Variants in ZDHHC13 observed in about 807,000 individuals in gnomAD.
ZDHHC13 encodes palmitoyltransferase ZDHHC13.
Under a neutral mutation model 86.0 loss-of-function variants are expected in ZDHHC13, and 85 were observed. The ratio of observed to expected loss-of-function variants is 0.99; its 90% CI spans 0.83 to 1.18. ZDHHC13 has a LOEUF of 1.18. Among genes scored for constraint, ZDHHC13 ranks in the 50% most tolerant of loss-of-function variants. The pLI is 0.00. For missense variants in ZDHHC13, 711 were observed against 730.2 expected (o/e 0.97, Z 0.30); for synonymous variants, 263 against 246.4 (o/e 1.07, Z -0.63).
intron 1 of ZDHHC13, among the ~76,000 whole-genome samples, chr11:19,142,014 A>G (rs776063394): frequency 1.3e-5 from 2 of 152,146 alleles, no homozygotes; most frequent in Admixed American, 6.6e-5. Context: ...TGCTTTAACC[A>G]ACTGAGCTAG....
rs1440215756 is a variant in ZDHHC13 at position 19,132,431 on chromosome 11, G to A, written c.28-10547G>A. 2.0e-5 allele frequency among the ~76,000 whole-genome samples: 3 copies of A among 152,158 alleles called. No homozygotes were observed. The East Asian group carries it at 5.8e-4, about 29-fold the overall frequency. ...CAGAGTTTGAACATCTTCCTGCTAC[G>A]TATAAACTCCAGTAATTGTTCAGTT... is the stretch of plus-strand genomic sequence containing the variant. On this transcript the variant is annotated intron_variant, in intron 1 of 16. Transcript: ENST00000446113.
At chr11:19,144,218 ATTTGC>A (rs1469282567) in intron 2 of ZDHHC13, among the ~76,000 whole-genome samples, 1 of 152,138 alleles carries the variant, frequency 6.6e-6, no homozygotes, top group African/African-American at 2.4e-5. Flanking sequence ...TAAGGTAAAT[ATTTGC>A]TTTAATTAGG....
chr11:19,129,203 A>G (rs1848938618), intron 1 of ZDHHC13, among the ~76,000 whole-genome samples: 1 of 152,206 alleles, frequency 6.6e-6, no homozygotes, highest in South Asian at 2.1e-4. Context: ...TTTTGCAAGT[A>G]AAAATGGATT....
rs78109313 is a variant in ZDHHC13, at chr11:19,170,755, C to T, written c.1632+187C>T. The stretch of plus-strand genomic sequence containing the variant: ...TTTGTCTGTAAAATGAGGATAATAA[C>T]GCCTGTCTACTACATTAAACCACAA... On this transcript the variant is annotated intron_variant, in intron 15 of 16. Coordinates refer to ENST00000446113, the MANE Select transcript of ZDHHC13 (RefSeq NM_019028.3). 5.2e-4 allele frequency among the ~76,000 whole-genome samples: 79 copies of T among 152,234 alleles called. No homozygotes were observed. In the East Asian group the frequency reaches 8.1e-3, roughly 16 times the overall value.
intron 15 of ZDHHC13, 143 bp from the exon 16 acceptor site, chr11:19,172,580 T>G (rs1434867283): frequency 1.1e-5 from 6 of 548,618 alleles, no homozygotes; most frequent in Non-Finnish European, 1.8e-5. Context: ...TACTTCTGAT[T>G]AACTTTTTCT....
At chr11:19,170,617 T>G in intron 15 of ZDHHC13, 49 bp downstream of exon 15, 1 of 1,459,544 alleles carries the variant, frequency 6.9e-7, no homozygotes, top group Non-Finnish European at 9.1e-7. Flanking sequence ...TTCTAAAACT[T>G]GTAGTGAGAC....
intron 1 of ZDHHC13, among the ~76,000 whole-genome samples, chr11:19,126,092 T>C (rs895633458): frequency 8.5e-5 from 13 of 152,152 alleles, no homozygotes; most frequent in African/African-American, 2.9e-4. Context: ...TATGGACTCA[T>C]TTAAGTAAAA....
At position 19,117,209 on chromosome 11, in the gene ZDHHC13, T is replaced by A. The variant is rs1200581493; in HGVS notation, c.-41T>A. The A allele has an allele frequency of 1.3e-6, 2 of 1,531,128 alleles. No homozygotes were observed. Among genetic ancestry groups the A allele is most frequent in the Non-Finnish European group, 1.8e-6 (2 of 1,142,640 alleles). The allele number at this position is 1,531,128 out of a possible 1,614,324, so 94.8% of individuals were successfully genotyped here. On this transcript the variant is annotated 5_prime_UTR_variant, in exon 1 of 17. Transcript: ENST00000446113. This position sits in a 1 kb window ranked among gnomAD's most constrained non-coding sequence, Gnocchi z 4.2. ...GGGCTGGCGGGCTGGCGGCAGTCGC[T>A]ACTTGCCTAGTAGCCTCAGCCGCTG...
In ZDHHC13 at chr11:19,163,521, C is replaced by T. The variant is rs186561925; in HGVS notation, c.1233+94C>T. 5.8e-4 allele frequency: 743 copies of T among 1,280,830 alleles called. No individual in the cohort carries two copies. The African/African-American group carries it at 9.2e-3, about 16-fold the overall frequency. 79.3% of individuals were successfully genotyped at this position (1,280,830 alleles called of 1,614,324 possible). On this transcript the variant is annotated intron_variant, in intron 11 of 16. Transcript: ENST00000446113. ...TATGCAGATGTGTTGCTTTTTGTTA[C>T]GGCTGCATGACATGTGGGGTGATAT... is the stretch of plus-strand genomic sequence containing the variant.
rs555316965 is a variant in ZDHHC13 at position 19,176,183 on chromosome 11, C to A, written c.*223C>A. 5.6e-6 allele frequency: 2 copies of A among 360,218 alleles called. No homozygotes were observed. The highest frequency in any genetic ancestry group is 9.6e-6 in the Non-Finnish European group (2 of 207,476). 22.3% of individuals were successfully genotyped at this position (360,218 alleles called of 1,614,324 possible). On this transcript the variant is annotated 3_prime_UTR_variant, in exon 17 of 17. Transcript: ENST00000446113. ...TCTTGGCAGACATCTAAAAAAAAAA[C>A]CATATTTTTCACAAGAAAATGCAAG...
intron 1 of ZDHHC13, among the ~76,000 whole-genome samples, chr11:19,139,353 A>C (rs1849241423): frequency 6.6e-6 from 1 of 151,946 alleles, no homozygotes; most frequent in Non-Finnish European, 1.5e-5. Flanking sequence ...AATCCAACTT[A>C]CAAGGGATGT....
At chr11:19,158,915 CTT>C (rs1849832554) in intron 9 of ZDHHC13, 23 bp from the exon 10 acceptor site, 4 of 1,438,388 alleles carry the variant, frequency 2.8e-6, no homozygotes, top group Non-Finnish European at 3.7e-6. Context: ...ATACTAATAA[CTT>C]ATATTTATCT....
intron 1 of ZDHHC13, among the ~76,000 whole-genome samples, chr11:19,132,873 T>G (rs1281751439): frequency 1.3e-5 from 2 of 152,194 alleles, no homozygotes; most frequent in Non-Finnish European, 2.9e-5. Flanking sequence ...TTCTTTATTA[T>G]AGCAAGAAAG....
intron 2 of ZDHHC13, among the ~76,000 whole-genome samples, chr11:19,145,640 C>A (rs896973089): frequency 5.3e-5 from 8 of 152,218 alleles, no homozygotes; most frequent in African/African-American, 1.7e-4. Flanking sequence ...GATTTTTGTA[C>A]ATGCTGCTTC....
intron 1 of ZDHHC13, among the ~76,000 whole-genome samples, chr11:19,141,078 A>G (rs914586258): frequency 1.3e-5 from 2 of 152,062 alleles, no homozygotes; most frequent in Admixed American, 1.3e-4. Context: ...ATAATAAAAA[A>G]AAAAAAGAAA....
Position 19,117,892 on chromosome 11 carries a change from A to G in ZDHHC13, c.27+616A>G, listed in dbSNP as rs2133348174. Reference sequence around the variant, plus strand: ...GGAGGAGGTGTTATATAAAAGCCAGACGGAGGTCCAAAGAAGCCAGGCGGG... The same window carrying G: ...GGAGGAGGTGTTATATAAAAGCCAGGCGGAGGTCCAAAGAAGCCAGGCGGG... On this transcript the variant is annotated intron_variant, in intron 1 of 16. Transcript: ENST00000446113. The surrounding 1 kb of genome is among the most constrained non-coding windows in gnomAD (Gnocchi z 4.2). The G allele has an allele frequency of 6.6e-6, 1 of 152,414 alleles. No homozygotes were observed. Among genetic ancestry groups the G allele is most frequent in the African/African-American group, 2.4e-5 (1 of 41,586 alleles). 9.4% of individuals were successfully genotyped at this position (152,414 alleles called of 1,614,324 possible).
intron 14 of ZDHHC13, chr11:19,170,002 C>G (rs1205728622): frequency 1.0e-6 from 1 of 1,004,716 alleles, no homozygotes; most frequent in Non-Finnish European, 1.2e-6. Context: ...CAGCAATGGC[C>G]TGTTCATCTG....
At chr11:19,170,625 G>C in intron 15 of ZDHHC13, 57 bp downstream of exon 15, 2 of 1,433,136 alleles carry the variant, frequency 1.4e-6, no homozygotes, top group Non-Finnish European at 1.9e-6. Context: ...CTTGTAGTGA[G>C]ACAGCCTTGA....
chr11:19,140,667 A>G (rs1181885085), intron 1 of ZDHHC13, among the ~76,000 whole-genome samples: 1 of 152,170 alleles, frequency 6.6e-6, no homozygotes, highest in African/African-American at 2.4e-5. Context: ...GAACCAACCC[A>G]AATGTCCAAC....
Sources: gnomAD v4.1 joint callset for allele counts (sites outside exome capture counted in the v4.1 genomes callset) on GRCh38, gnomAD v4.1.1 for gene constraint, Gnocchi (gnomAD v3.1) non-coding constraint, MANE v1.5 for transcripts, NCBI Gene and HGNC (gene_info 2026-07-23, HGNC 2026-07-21) for gene names.